Variants in TMPRSS15 observed in about 807,000 individuals in gnomAD.
TMPRSS15 encodes the protein enteropeptidase.
TMPRSS15 carries 128 observed loss-of-function variants against 125.3 expected under a neutral mutation model. The observed-to-expected ratio is 1.02, with a 90% CI of 0.89 to 1.18. The LOEUF is 1.18. TMPRSS15 is among the 50% of genes most tolerant of loss of function. The pLI is 0.00. For synonymous variants in TMPRSS15, 446 were observed against 423.2 expected, an observed-to-expected ratio of 1.05 and a Z score of -0.66; for missense variants, 1,283 against 1,212.7, an observed-to-expected ratio of 1.06 and a Z score of -0.86.
upstream of TMPRSS15, among the ~76,000 whole-genome samples, chr21:18,404,069 G>A (rs1172503940): frequency 2.0e-5 from 3 of 152,138 alleles, no homozygotes; most frequent in African/African-American, 4.8e-5. Context: ...CTCTGACTCA[G>A]ATGATTCTTA....
At chr21:18,270,830 TATA>T (rs1208202467) in intron 24 of TMPRSS15, among the ~76,000 whole-genome samples, 1 of 152,216 alleles carries the variant, frequency 6.6e-6, no homozygotes, top group Admixed American at 6.5e-5. Flanking sequence ...AATACAAACA[TATA>T]ATATCATTAT....
intron 18 of TMPRSS15, among the ~76,000 whole-genome samples, chr21:18,298,538 G>A (rs2074932152): frequency 6.6e-6 from 1 of 152,146 alleles, no homozygotes; most frequent in Admixed American, 6.5e-5. Context: ...TAATTCCCAT[G>A]CTCTCAACTG....
chr21:18,397,863 T>A lies in TMPRSS15; in HGVS notation c.344+16A>T. ...ACTAATTTTCCATCAGTAGAAAATT[T>A]TTGAGCTATACTCACTCAAATTGTA... On this transcript the variant is annotated intron_variant, in intron 3 of 24. Transcript: ENST00000284885. 1.4e-6 allele frequency: 2 copies of A among 1,460,698 alleles called. No individual in the cohort carries two copies. The highest frequency in any genetic ancestry group is 1.9e-6 in the Non-Finnish European group (2 of 1,067,930). 90.5% of individuals were successfully genotyped at this position (1,460,698 alleles called of 1,614,324 possible).
At chr21:18,309,812 C>A (rs1171779220) in intron 18 of TMPRSS15, among the ~76,000 whole-genome samples, 1 of 152,058 alleles carries the variant, frequency 6.6e-6, no homozygotes, top group African/African-American at 2.4e-5. Context: ...GAAATAGGAA[C>A]GCTTTTACAC....
At chr21:18,427,404 A>G (rs576820957) in intron 1 of TMPRSS15, among the ~76,000 whole-genome samples, 2 of 152,330 alleles carry the variant, frequency 1.3e-5, no homozygotes, top group East Asian at 3.9e-4. Flanking sequence ...AAAAGTCAAC[A>G]TGCTGAAGAT....
chr21:18,433,528 A>C (rs900112354), intron 1 of TMPRSS15, among the ~76,000 whole-genome samples: 4 of 151,922 alleles, frequency 2.6e-5, no homozygotes, highest in Non-Finnish European at 5.9e-5. Flanking sequence ...CCCTGTCTCT[A>C]GAAAAAATAC....
intron 16 of TMPRSS15, among the ~76,000 whole-genome samples, chr21:18,319,511 C>T (rs2075212335): frequency 6.7e-6 from 1 of 150,334 alleles, no homozygotes; most frequent in Admixed American, 6.7e-5. Flanking sequence ...TCACTGAAAC[C>T]TCCGCCTCCC....
chr21:18,403,576 G>A lies in TMPRSS15; in HGVS notation c.47C>T (p.Ser16Phe), dbSNP rs758015663. The change falls in exon 1 of 25, where the codon TCC becomes TTC. Residue 16 changes from serine to phenylalanine, a missense_variant. Physicochemically the swap from Ser to Phe is radical, Grantham distance 155. Coordinates refer to ENST00000284885, the MANE Select transcript of TMPRSS15 (RefSeq NM_002772.3). ...GISSRHHSLSSYEIMFAALFA... is the reference protein window; with the variant it reads ...GISSRHHSLSFYEIMFAALFA... ...GAGAGCTGCAAACATGATTTCATAG[G>A]AGCTGAGAGAATGATGCCTAGAAGA... The A allele has an allele frequency of 1.9e-6, 3 of 1,614,036 alleles. No homozygotes were observed. In the Admixed American group the frequency reaches 5.0e-5, roughly 27 times the overall value.
intron 1 of TMPRSS15, among the ~76,000 whole-genome samples, chr21:18,463,663 A>G (rs1978597519): frequency 1.3e-5 from 2 of 152,160 alleles, no homozygotes; most frequent in Admixed American, 1.3e-4. Flanking sequence ...TCAGCACCAC[A>G]TCACACTTAT....
At chr21:18,350,715 C>T (rs1360453813) in intron 10 of TMPRSS15, among the ~76,000 whole-genome samples, 4 of 151,880 alleles carry the variant, frequency 2.6e-5, no homozygotes, top group African/African-American at 4.8e-5. Context: ...CCCAAAGTAC[C>T]TATTCACATT....
intron 6 of TMPRSS15, among the ~76,000 whole-genome samples, chr21:18,367,836 C>T (rs1450353399): frequency 6.6e-6 from 1 of 152,070 alleles, no homozygotes; most frequent in Non-Finnish European, 1.5e-5. Flanking sequence ...GGCCTCCTAG[C>T]TTACAAGCAA....
At position 18,480,076 on chromosome 21, in the gene TMPRSS15, A is replaced by G. The variant is rs560210833; in HGVS notation, c.10+5723T>C. 1.2e-3 allele frequency among the ~76,000 whole-genome samples: 187 copies of G among 152,196 alleles called. 2 individuals are homozygous for G. The highest frequency in any genetic ancestry group is 4.2e-3 in the African/African-American group (174 of 41,570). On this transcript the variant is annotated intron_variant, in intron 1 of 7. Coordinates refer to the TMPRSS15 transcript ENST00000422787. ...TGCAGCCATGAAAAAGGATGAGTTC[A>G]TGTCCTTTGCAGGGACATGGAGGAA...
intron 13 of TMPRSS15, among the ~76,000 whole-genome samples, chr21:18,333,466 A>T (rs1484431233): frequency 6.6e-6 from 1 of 152,182 alleles, no homozygotes; most frequent in East Asian, 1.9e-4. Flanking sequence ...TTAAAATAAA[A>T]CAAATTCAAT....
chr21:18,473,425 G>C (rs2123285077), intron 1 of TMPRSS15, among the ~76,000 whole-genome samples: 1 of 152,072 alleles, frequency 6.6e-6, no homozygotes, highest in African/African-American at 2.4e-5. Context: ...ATCAGGAAAA[G>C]CATGCTAAAT....
intron 3 of TMPRSS15, among the ~76,000 whole-genome samples, chr21:18,391,507 C>T (rs935825877): frequency 9.2e-5 from 14 of 152,246 alleles, no homozygotes; most frequent in African/African-American, 2.2e-4. Context: ...CTCACATCCA[C>T]GGCATGCTAA....
At position 18,276,148 on chromosome 21, in the gene TMPRSS15, C is replaced by T. The variant is rs549964093; in HGVS notation, c.2765-812G>A. 7.9e-5 allele frequency among the ~76,000 whole-genome samples: 12 copies of T among 152,220 alleles called. No homozygotes were observed. In the South Asian group the frequency reaches 2.5e-3, roughly 32 times the overall value. ...AAAATTTATGTGACCTCATTTCTAG[C>T]TAAATTTAATTCATGCACTAAAAAG... is the stretch of plus-strand genomic sequence containing the variant. On this transcript the variant is annotated intron_variant, in intron 23 of 24. Coordinates refer to ENST00000284885, the MANE Select transcript of TMPRSS15 (RefSeq NM_002772.3).
chr21:18,376,263 G>C lies in TMPRSS15; in HGVS notation c.532+3020C>G, dbSNP rs2075841507. ...TCTTTTCAATCCAAATGAAATTATT[G>C]GTAGAAAGATTCTTTAGTAGTCTTG... On this transcript the variant is annotated intron_variant, in intron 5 of 24. Coordinates refer to ENST00000284885, the MANE Select transcript of TMPRSS15 (RefSeq NM_002772.3). 3.4e-5 allele frequency among the ~76,000 whole-genome samples: 5 copies of C among 148,820 alleles called. No homozygotes were observed. In the South Asian group the frequency reaches 8.5e-4, roughly 25 times the overall value.
Position 18,344,048 on chromosome 21 carries a change from GA to G in TMPRSS15, c.1183del (p.Ser395LeufsTer16). 3.1e-6 allele frequency: 5 copies of G among 1,613,496 alleles called. No individual in the cohort carries two copies. Among genetic ancestry groups the G allele is most frequent in the Non-Finnish European group, 3.4e-6 (4 of 1,179,802 alleles). ...TCTCCCTCCTGGTCCAGTTGGGGTA[GA>G]AATGTAAAATCCTGTAAAAATATCA... ...TFGNASGFYI[S>X]TPTGPGGRQE... On this transcript the variant is annotated frameshift_variant, in exon 11 of 25. Coordinates refer to ENST00000284885, the MANE Select transcript of TMPRSS15 (RefSeq NM_002772.3). LOFTEE classifies it high-confidence loss of function.
intron 1 of TMPRSS15, among the ~76,000 whole-genome samples, chr21:18,400,647 A>T (rs1189508348): frequency 6.6e-6 from 1 of 152,146 alleles, no homozygotes; most frequent in Non-Finnish European, 1.5e-5. Context: ...AAAGGAAAAC[A>T]TCATTCTGGA....
Sources: gnomAD v4.1 joint callset for allele counts (sites outside exome capture counted in the v4.1 genomes callset) on GRCh38, gnomAD v4.1.1 for gene constraint, MANE v1.5 for transcripts, NCBI Gene and HGNC (gene_info 2026-07-23, HGNC 2026-07-21) for gene names.